Variants in GPC6 observed in about 807,000 individuals in gnomAD.
GPC6 encodes glypican 6, also known as glypican-6.
A neutral mutation model predicts 55.2 loss-of-function variants in GPC6; 14 were observed. The observed-to-expected ratio is 0.25, with a 90% CI of 0.17 to 0.40. The LOEUF (loss-of-function observed/expected upper bound fraction) is 0.40. Ranked by LOEUF, GPC6 falls within the 10% of genes least tolerant of loss-of-function variation. The pLI is 1.00. For synonymous variants in GPC6, 278 were observed against 259.6 expected (o/e 1.07, Z -0.68); for missense variants, 641 against 708.5 (o/e 0.90, Z 1.08).
intron 4 of GPC6, among the ~76,000 whole-genome samples, chr13:94,139,454 CT>C (rs1320591883): frequency 2.0e-5 from 3 of 152,186 alleles, no homozygotes; most frequent in Admixed American, 2.0e-4. Flanking sequence ...AAATAAATAT[CT>C]CCAGATTGGG....
chr13:93,551,413 C>G (rs535195940), intron 2 of GPC6, among the ~76,000 whole-genome samples: 1 of 152,066 alleles, frequency 6.6e-6, no homozygotes, highest in South Asian at 2.1e-4. Flanking sequence ...TGTGCTCATG[C>G]AGGCTTGACT....
At chr13:94,164,441 G>C (rs1888278888) in intron 4 of GPC6, among the ~76,000 whole-genome samples, 1 of 152,138 alleles carries the variant, frequency 6.6e-6, no homozygotes, top group East Asian at 1.9e-4. Flanking sequence ...TATTGTTATT[G>C]TTATTCTTGT....
chr13:93,317,894 T>A (rs1370709231), intron 1 of GPC6, among the ~76,000 whole-genome samples: 1 of 152,196 alleles, frequency 6.6e-6, no homozygotes, highest in South Asian at 2.1e-4. Flanking sequence ...TTGGAAGAGA[T>A]ATTTTACAAA....
rs116145345 is a variant in GPC6, at chr13:93,373,118, G to A, written c.160+145502G>A. Among the ~76,000 whole-genome samples the A allele has an allele frequency of 4.0e-3, 610 of 152,214 alleles. 2 individuals are homozygous for A. Among genetic ancestry groups the A allele is most frequent in the African/African-American group, 0.014 (580 of 41,526 alleles). On this transcript the variant is annotated intron_variant, in intron 1 of 8. Coordinates refer to ENST00000377047, the MANE Select transcript of GPC6 (RefSeq NM_005708.5). ...GTGACATTAAACCTATCAAACAATC[G>A]TATTCAGGCAGCATGGCATCACACA...
chr13:93,780,061 G>A (rs1885589302), intron 2 of GPC6, among the ~76,000 whole-genome samples: 1 of 152,156 alleles, frequency 6.6e-6, no homozygotes, highest in South Asian at 2.1e-4. Flanking sequence ...ATCAGGAGAA[G>A]TGAGGCAAGA....
intron 2 of GPC6, among the ~76,000 whole-genome samples, chr13:93,587,059 C>T (rs77484666): frequency 0.019 from 2,914 of 152,242 alleles, 93 homozygotes; most frequent in African/African-American, 0.067. Context: ...GTTGCATGTA[C>T]TTAGACAAGT....
chr13:93,225,497 T>G (rs1362153003), upstream of GPC6, among the ~76,000 whole-genome samples: 3 of 11,502 alleles, frequency 2.6e-4, no homozygotes, highest in African/African-American at 2.9e-4. Context: ...TTTTTTTTTT[T>G]GTTTTGTTTT....
intron 6 of GPC6, among the ~76,000 whole-genome samples, chr13:94,341,306 T>C (rs1878021823): frequency 6.6e-6 from 1 of 152,124 alleles, no homozygotes; most frequent in African/African-American, 2.4e-5. Context: ...TACTATAGGC[T>C]GGGTGCAGTA....
chr13:93,562,581 C>G (rs1468740274), intron 2 of GPC6, among the ~76,000 whole-genome samples: 1 of 152,104 alleles, frequency 6.6e-6, no homozygotes, highest in Admixed American at 6.6e-5. Flanking sequence ...CTTTGACACA[C>G]AATTTGCTTT....
chr13:94,093,106 T>A (rs536743716), intron 4 of GPC6, among the ~76,000 whole-genome samples: 1 of 152,194 alleles, frequency 6.6e-6, no homozygotes. Flanking sequence ...CTGCAGAAAG[T>A]CTTTAGTGTG....
intron 4 of GPC6, among the ~76,000 whole-genome samples, chr13:94,104,538 T>G (rs1316528983): frequency 3.3e-5 from 5 of 152,220 alleles, no homozygotes; most frequent in Non-Finnish European, 7.3e-5. Flanking sequence ...TGTCCCTGTT[T>G]GCAGATGACG....
At chr13:93,426,788 T>A (rs2139268084) in intron 1 of GPC6, among the ~76,000 whole-genome samples, 1 of 152,010 alleles carries the variant, frequency 6.6e-6, no homozygotes, top group East Asian at 1.9e-4. Flanking sequence ...GTATTTCTAG[T>A]TCTAGATCCC....
chr13:93,649,764 C>T (rs575853450), intron 2 of GPC6, among the ~76,000 whole-genome samples: 1 of 152,258 alleles, frequency 6.6e-6, no homozygotes, highest in Non-Finnish European at 1.5e-5. Context: ...TTAAAAAATT[C>T]TGGACAGTTA....
chr13:93,633,466 T>C (rs533722806), intron 2 of GPC6, among the ~76,000 whole-genome samples: 268 of 151,960 alleles, frequency 1.8e-3, no homozygotes, highest in Non-Finnish European at 2.8e-3. Flanking sequence ...GCCAACATGG[T>C]GAAAACCCGT....
At chr13:93,958,253 A>G (rs577463654) in intron 3 of GPC6, among the ~76,000 whole-genome samples, 32 of 152,214 alleles carry the variant, frequency 2.1e-4, no homozygotes, top group Admixed American at 1.8e-3. Context: ...TTTTTGTTGC[A>G]ATTGCTTTGG....
intron 4 of GPC6, among the ~76,000 whole-genome samples, chr13:94,182,574 G>C (rs1239113441): frequency 6.6e-6 from 1 of 152,182 alleles, no homozygotes; most frequent in African/African-American, 2.4e-5. Context: ...GGGAGTAGTA[G>C]TAGGCCACTG....
chr13:93,736,937 C>T (rs949891923), intron 2 of GPC6, among the ~76,000 whole-genome samples: 4 of 152,086 alleles, frequency 2.6e-5, no homozygotes, highest in African/African-American at 9.7e-5. Context: ...CCACAATTTC[C>T]TATTAAGCTT....
At chr13:94,170,883 T>C (rs149933353) in intron 4 of GPC6, among the ~76,000 whole-genome samples, 157 of 152,314 alleles carry the variant, frequency 1.0e-3, no homozygotes, top group African/African-American at 3.7e-3. Flanking sequence ...ACTTACAGGC[T>C]TTCTCTGGGA....
chr13:93,701,153 G>A (rs933740746), intron 2 of GPC6, among the ~76,000 whole-genome samples: 3 of 152,006 alleles, frequency 2.0e-5, no homozygotes, highest in Non-Finnish European at 4.4e-5. Context: ...ACATCCCAGG[G>A]ACATTTCTGC....
Sources: gnomAD v4.1 joint callset for allele counts (sites outside exome capture counted in the v4.1 genomes callset) on GRCh38, gnomAD v4.1.1 for gene constraint, MANE v1.5 for transcripts, NCBI Gene and HGNC (gene_info 2026-07-23, HGNC 2026-07-21) for gene names.